GNG7: variants seen among roughly 807,000 people sequenced by gnomAD.
GNG7 encodes the protein G protein subunit gamma 7.
Under a neutral mutation model 4.0 loss-of-function variants are expected in GNG7, and 1 was observed. The ratio of observed to expected loss-of-function variants is 0.25; its 90% confidence interval spans 0.09 to 1.18. The LOEUF (loss-of-function observed/expected upper bound fraction) is 1.18, where lower values mean the gene tolerates loss of function less well. Among genes scored for constraint, GNG7 ranks in the 50% most tolerant of loss-of-function variants. GNG7 has a pLI of 0.50. For synonymous variants in GNG7, 34 were observed against 36.9 expected (o/e 0.92, Z 0.29); for missense variants, 86 against 91.9 (o/e 0.94, Z 0.26).
At chr19:2,584,946 G>A (rs1372313094) in intron 2 of GNG7, among the ~76,000 whole-genome samples, 57 of 49,914 alleles carry the variant, frequency 1.1e-3, no homozygotes, top group Non-Finnish European at 1.3e-3. Flanking sequence ...GAGGGAGGGA[G>A]GGAAGGAAGG....
intron 2 of GNG7, among the ~76,000 whole-genome samples, chr19:2,565,866 C>T (rs1310262368): frequency 6.6e-6 from 1 of 152,022 alleles, no homozygotes; most frequent in East Asian, 1.9e-4. Context: ...ACATTTTAAA[C>T]CATGGTAGAG....
intron 3 of GNG7, among the ~76,000 whole-genome samples, chr19:2,553,824 ACATAT>A (rs72406624): frequency 0.46 from 66,679 of 146,452 alleles, 15,751 homozygotes; most frequent in Admixed American, 0.54. Context: ...ACATACATGT[ACATAT>A]TATATGTAAT....
intron 2 of GNG7, among the ~76,000 whole-genome samples, chr19:2,584,822 C>G (rs865933734): frequency 6.1e-3 from 43 of 7,056 alleles, no homozygotes; most frequent in African/African-American, 9.6e-3. Context: ...GAGGGAGGGA[C>G]GGAGGGAGGG....
In GNG7 at chr19:2,653,543, C is replaced by A. The variant is rs368093697; in HGVS notation, c.-134-7263G>T. Among the ~76,000 whole-genome samples, 1 of 152,136 alleles carries A rather than the reference C, an allele frequency of 6.6e-6. No individual in the cohort carries two copies. The highest frequency in any genetic ancestry group is 1.9e-4 in the East Asian group (1 of 5,204). ...CCTGGTGTCTGGAGTGAGAAGGGAT[C>A]GAAGTCTATTTTTTTCCAGATGAAT... is the stretch of plus-strand genomic sequence containing the variant. On this transcript the variant is annotated intron_variant, in intron 1 of 4. Transcript: ENST00000382159. The surrounding 1 kb of genome is among the most constrained non-coding windows in gnomAD (Gnocchi z 4.8).
chr19:2,615,871 A>C (rs774142198), intron 2 of GNG7, among the ~76,000 whole-genome samples: 22 of 152,156 alleles, frequency 1.4e-4, no homozygotes, highest in Non-Finnish European at 3.1e-4. Flanking sequence ...AGGGTTCCCT[A>C]AGATTGTGCA....
At chr19:2,591,434 C>T (rs991975730) in intron 2 of GNG7, among the ~76,000 whole-genome samples, 16 of 139,580 alleles carry the variant, frequency 1.1e-4, no homozygotes, top group South Asian at 2.4e-4. Flanking sequence ...TCACTGTTTT[C>T]GTAATTTGAA....
Position 2,511,923 on chromosome 19 carries a change from G to A in GNG7, c.*3099C>T. ...GGGCAGGGGAGGCGGAGCTGGTCCG[G>A]GAAGGTGCCCAGGTGGGTCACAACA... On this transcript the variant is annotated 3_prime_UTR_variant, in exon 5 of 5. Coordinates refer to ENST00000382159, the MANE Select transcript of GNG7 (RefSeq NM_052847.3). This position sits in a 1 kb window ranked among gnomAD's most constrained non-coding sequence, Gnocchi z 6.3. 1.0e-6 allele frequency: 1 copy of A among 986,238 alleles called. No homozygotes were observed. The highest frequency in any genetic ancestry group is 1.7e-5 in the African/African-American group (1 of 57,364). 61.1% of individuals were successfully genotyped at this position (986,238 alleles called of 1,614,324 possible). A position where few individuals can be genotyped will look rare whatever the true frequency, so the allele number is the denominator to read the frequency against.
At chr19:2,650,766 C>G (rs1207381072) in intron 1 of GNG7, among the ~76,000 whole-genome samples, 1 of 152,228 alleles carries the variant, frequency 6.6e-6, no homozygotes, top group Non-Finnish European at 1.5e-5. Context: ...GCGGCTCACT[C>G]AGCCTGACAG....
intron 3 of GNG7, among the ~76,000 whole-genome samples, chr19:2,539,645 T>G (rs1027818045): frequency 2.0e-5 from 3 of 152,046 alleles, no homozygotes; most frequent in Non-Finnish European, 4.4e-5. Flanking sequence ...CAATGGGGGA[T>G]GGACACACAC....
intron 2 of GNG7, among the ~76,000 whole-genome samples, chr19:2,613,248 C>T (rs1222653697): frequency 6.6e-6 from 1 of 152,200 alleles, no homozygotes; most frequent in Non-Finnish European, 1.5e-5. Flanking sequence ...GGTGAGTTTG[C>T]TTGAACTATA....
chr19:2,652,036 C>G (rs147341197), intron 1 of GNG7, among the ~76,000 whole-genome samples: 5,911 of 151,610 alleles, frequency 0.039, 206 homozygotes, highest in African/African-American at 0.089. Flanking sequence ...TTAGCCAGGT[C>G]TGGTGGCAGG....
chr19:2,644,299 G>A (rs1982598514), intron 2 of GNG7, among the ~76,000 whole-genome samples: 1 of 145,826 alleles, frequency 6.9e-6, no homozygotes, highest in South Asian at 2.2e-4. Context: ...GGGATTACAG[G>A]TGTGAGCCAC....
At chr19:2,578,321 C>G (rs1015917989) in intron 2 of GNG7, among the ~76,000 whole-genome samples, 2 of 152,088 alleles carry the variant, frequency 1.3e-5, no homozygotes, top group African/African-American at 4.8e-5. Context: ...CCCAGAGGAC[C>G]GAGGGCAGCC....
chr19:2,666,965 A>T (rs890467726), intron 1 of GNG7, among the ~76,000 whole-genome samples: 1 of 152,218 alleles, frequency 6.6e-6, no homozygotes, highest in African/African-American at 2.4e-5. Context: ...CTGTCAAAAA[A>T]GATTCACCTC....
In GNG7 at chr19:2,511,674, G is replaced by T; in HGVS notation, c.*3348C>A. On this transcript the variant is annotated 3_prime_UTR_variant, in exon 5 of 5. Coordinates refer to ENST00000382159, the MANE Select transcript of GNG7 (RefSeq NM_052847.3). This position sits in a 1 kb window ranked among gnomAD's most constrained non-coding sequence, Gnocchi z 6.3. ...ACGGGCTGTTAACTTGGAGATGGAT[G>T]CGTGGCCTGGAGGCCTAGCGTTGCG... 2 of 415,408 alleles carry T rather than the reference G, an allele frequency of 4.8e-6. No homozygotes were observed. Among genetic ancestry groups the T allele is most frequent in the Non-Finnish European group, 6.5e-6 (2 of 308,688 alleles). 25.7% of individuals were successfully genotyped at this position (415,408 alleles called of 1,614,324 possible).
chr19:2,592,741 A>AAGGGAAGGGGAGGGG (rs1555696356), intron 2 of GNG7, among the ~76,000 whole-genome samples: 3 of 62,906 alleles, frequency 4.8e-5, no homozygotes, highest in African/African-American at 1.9e-4. Flanking sequence ...AGAGGGAAGG[A>AAGGGAAGGGGAGGGG]AGGGGAGGGG....
intron 2 of GNG7, among the ~76,000 whole-genome samples, chr19:2,613,531 T>C (rs1371121587): frequency 1.3e-5 from 2 of 151,648 alleles, no homozygotes; most frequent in Non-Finnish European, 2.9e-5. Context: ...CCCTCCCCAC[T>C]CAGGGTGTGG....
In GNG7 at chr19:2,611,385, G is replaced by A. The variant is rs1981559516; in HGVS notation, c.-78+34839C>T. The A allele has an allele frequency of 6.6e-6, 1 of 152,282 alleles. No individual in the cohort carries two copies. Among genetic ancestry groups the A allele is most frequent in the African/African-American group, 2.4e-5 (1 of 41,460 alleles). The allele number at this position is 152,282 out of a possible 1,614,324, so 9.4% of individuals were successfully genotyped here. Reference sequence around the variant, plus strand: ...TGCTGCCACCTGCTGGTCATGGCCCGACAGGCGGCCTCGCTGTCACCACTG... The same window carrying A: ...TGCTGCCACCTGCTGGTCATGGCCCAACAGGCGGCCTCGCTGTCACCACTG... On this transcript the variant is annotated intron_variant, in intron 2 of 4. Transcript: ENST00000382159. The surrounding 1 kb of genome is among the most constrained non-coding windows in gnomAD (Gnocchi z 6.0).
At chr19:2,540,431 C>T (rs942901524) in intron 3 of GNG7, among the ~76,000 whole-genome samples, 20 of 152,182 alleles carry the variant, frequency 1.3e-4, no homozygotes, top group Non-Finnish European at 2.2e-4. Flanking sequence ...GGATTACAGA[C>T]GGAGCCTCCA....
Sources: allele counts gnomAD v4.1 joint callset (sites outside exome capture counted in the v4.1 genomes callset), GRCh38; gene constraint gnomAD v4.1.1; non-coding constraint Gnocchi (gnomAD v3.1); transcripts MANE v1.5; gene names NCBI Gene and HGNC (gene_info 2026-07-23, HGNC 2026-07-21).